Variants in DPP10 observed in about 807,000 individuals in gnomAD.
DPP10 encodes the protein inactive dipeptidyl peptidase 10.
In DPP10, 33 loss-of-function variants were observed where a neutral mutation model predicts 120.9. That is an observed-to-expected ratio of 0.27 (90% CI 0.21 to 0.37). The LOEUF is 0.37. DPP10 is among the 10% of genes least tolerant of loss of function. The pLI is 1.00. For synonymous variants in DPP10, 337 were observed against 326.1 expected (o/e 1.03, Z -0.36); for missense variants, 816 against 942.8 (o/e 0.87, Z 1.76).
At chr2:115,792,650 A>G (rs1035711432) in intron 19 of DPP10, among the ~76,000 whole-genome samples, 14 of 151,714 alleles carry the variant, frequency 9.2e-5, no homozygotes, top group African/African-American at 3.4e-4. Context: ...TTTTTTACCT[A>G]GTTTCTTCTG....
chr2:114,968,146 T>G (rs545087622), intron 1 of DPP10, among the ~76,000 whole-genome samples: 1 of 152,326 alleles, frequency 6.6e-6, no homozygotes, highest in South Asian at 2.1e-4. Context: ...TAAAAATGTG[T>G]GCTTAGCTCA....
intron 11 of DPP10, among the ~76,000 whole-genome samples, chr2:115,759,535 C>T (rs1035309743): frequency 6.6e-5 from 10 of 151,888 alleles, no homozygotes; most frequent in East Asian, 3.9e-4. Flanking sequence ...TTAAAGAGGA[C>T]GTGAAAAACA....
At chr2:115,630,868 C>G (rs541229916) in intron 5 of DPP10, among the ~76,000 whole-genome samples, 1 of 151,820 alleles carries the variant, frequency 6.6e-6, no homozygotes, top group Non-Finnish European at 1.5e-5. Flanking sequence ...CTGAAATATT[C>G]TTTGTGGTAT....
chr2:115,033,275 A>G (rs1703974651), intron 1 of DPP10, among the ~76,000 whole-genome samples: 1 of 152,144 alleles, frequency 6.6e-6, no homozygotes, highest in Non-Finnish European at 1.5e-5. Flanking sequence ...ACACGATGAG[A>G]TAACGCTTTG....
At position 115,772,870 on chromosome 2, in the gene DPP10, G is replaced by A. The variant is rs149743156; in HGVS notation, c.1222-4338G>A. ...TGTTCAGTCGTTCAGATTCATAGGC[G>A]TAAGGAATGGCCCTGTCACCTTCTA... On this transcript the variant is annotated intron_variant, in intron 13 of 25. Transcript: ENST00000410059. Among the ~76,000 whole-genome samples, 355 of 152,214 alleles carry A rather than the reference G, an allele frequency of 2.3e-3. 1 individual carries two copies. Among genetic ancestry groups the A allele is most frequent in the Non-Finnish European group, 2.6e-3 (179 of 67,998 alleles).
chr2:114,906,903 G>A (rs926267042), intron 1 of DPP10, among the ~76,000 whole-genome samples: 4 of 152,090 alleles, frequency 2.6e-5, no homozygotes, highest in Admixed American at 6.5e-5. Flanking sequence ...GAAAATTTGC[G>A]AGAGAGAGGT....
intron 9 of DPP10, among the ~76,000 whole-genome samples, chr2:115,741,498 C>T (rs1677270787): frequency 1.3e-5 from 2 of 151,642 alleles, no homozygotes; most frequent in South Asian, 4.2e-4. Flanking sequence ...CAGAGAAAAC[C>T]TGAAAAGTTG....
intron 1 of DPP10, among the ~76,000 whole-genome samples, chr2:114,978,128 A>C (rs1041271069): frequency 1.3e-5 from 2 of 152,148 alleles, no homozygotes; most frequent in African/African-American, 4.8e-5. Context: ...AGCAGTTTGG[A>C]TCGCTGTCCT....
chr2:115,718,533 A>T (rs1336597087), intron 7 of DPP10, among the ~76,000 whole-genome samples: 1 of 152,072 alleles, frequency 6.6e-6, no homozygotes, highest in Non-Finnish European at 1.5e-5. Flanking sequence ...TTTACTAAAA[A>T]TCGTGCTTTT....
At chr2:114,633,466 G>A (rs534864645) in intron 1 of DPP10, among the ~76,000 whole-genome samples, 1 of 151,082 alleles carries the variant, frequency 6.6e-6, no homozygotes, top group African/African-American at 2.4e-5. Flanking sequence ...TGTTGGCCAG[G>A]CAGTCTCAAA....
At chr2:115,631,159 A>G (rs183029776) in intron 5 of DPP10, among the ~76,000 whole-genome samples, 15 of 148,552 alleles carry the variant, frequency 1.0e-4, no homozygotes, top group African/African-American at 3.3e-4. Flanking sequence ...GGGAGGGTGT[A>G]TGTGTCCAGT....
chr2:114,848,350 C>G (rs1388010821), intron 1 of DPP10, among the ~76,000 whole-genome samples: 3 of 152,110 alleles, frequency 2.0e-5, no homozygotes, highest in African/African-American at 7.2e-5. Context: ...CCCTGGGACT[C>G]TAGCAAAAGC....
chr2:114,548,892 A>G (rs1344619446), intron 1 of DPP10, among the ~76,000 whole-genome samples: 1 of 152,194 alleles, frequency 6.6e-6, no homozygotes, highest in Non-Finnish European at 1.5e-5. Context: ...TGAAATGTGG[A>G]CCATCTTATT....
At chr2:114,454,295 C>T (rs763336841) in intron 1 of DPP10, among the ~76,000 whole-genome samples, 13 of 152,128 alleles carry the variant, frequency 8.5e-5, no homozygotes, top group Non-Finnish European at 1.6e-4. Context: ...TTGTTAAGTG[C>T]CCAAACCATG....
At chr2:114,556,103 T>G (rs542867601) in intron 1 of DPP10, among the ~76,000 whole-genome samples, 1 of 151,722 alleles carries the variant, frequency 6.6e-6, no homozygotes, top group South Asian at 2.1e-4. Context: ...TGGCAGTTGG[T>G]GGAGCATCAA....
intron 1 of DPP10, among the ~76,000 whole-genome samples, chr2:114,907,870 G>A (rs1026928974): frequency 6.6e-6 from 1 of 151,962 alleles, no homozygotes; most frequent in African/African-American, 2.4e-5. Context: ...CTGATCTTCT[G>A]TCTAGTTGTT....
intron 3 of DPP10, among the ~76,000 whole-genome samples, chr2:115,392,671 T>G (rs2067398092): frequency 6.6e-6 from 1 of 152,106 alleles, no homozygotes; most frequent in Non-Finnish European, 1.5e-5. Flanking sequence ...AGTTTATAGA[T>G]CGGACTGTAT....
At chr2:114,443,733 T>A (rs1677789803) in intron 1 of DPP10, among the ~76,000 whole-genome samples, 2 of 151,792 alleles carry the variant, frequency 1.3e-5, no homozygotes, top group South Asian at 4.2e-4. Flanking sequence ...AAAAACGTGA[T>A]ATCCTGACAG....
chr2:115,291,706 T>C (rs1312027572), intron 1 of DPP10, among the ~76,000 whole-genome samples: 1 of 152,148 alleles, frequency 6.6e-6, no homozygotes, highest in Non-Finnish European at 1.5e-5. Context: ...TTGGGAATTA[T>C]ATATCCATGA....
Sources: allele counts gnomAD v4.1 joint callset (sites outside exome capture counted in the v4.1 genomes callset), GRCh38; gene constraint gnomAD v4.1.1; transcripts MANE v1.5; gene names NCBI Gene and HGNC (gene_info 2026-07-23, HGNC 2026-07-21).